Variants in MACROD2 observed in about 807,000 individuals in gnomAD.
MACROD2 encodes the protein mono-ADP ribosylhydrolase 2, also known as ADP-ribose glycohydrolase MACROD2.
A neutral mutation model predicts 70.4 loss-of-function variants in MACROD2; 36 were observed. The ratio of observed to expected loss-of-function variants is 0.51; its 90% confidence interval spans 0.39 to 0.68. The LOEUF is 0.68. MACROD2 is among the 30% of genes least tolerant of loss of function. The probability of loss-of-function intolerance (pLI) is 0.00; values close to 1 mark genes in which losing one functional copy is unlikely to be tolerated. For missense variants in MACROD2, 496 were observed against 538.4 expected (o/e 0.92, Z 0.78); for synonymous variants, 172 against 178.8 (o/e 0.96, Z 0.30).
chr20:15,060,005 C>T (rs2075519064), intron 5 of MACROD2, among the ~76,000 whole-genome samples: 1 of 152,148 alleles, frequency 6.6e-6, no homozygotes, highest in African/African-American at 2.4e-5. Flanking sequence ...TGACCGCTGC[C>T]ATCTCCCCCC....
At chr20:15,963,330 T>A (rs893731419) in intron 12 of MACROD2, among the ~76,000 whole-genome samples, 1 of 152,192 alleles carries the variant, frequency 6.6e-6, no homozygotes, top group African/African-American at 2.4e-5. Context: ...CCTGCTGTCA[T>A]CACTCTGAAT....
chr20:14,319,459 CT>C, intron 3 of MACROD2, among the ~76,000 whole-genome samples: 1 of 152,238 alleles, frequency 6.6e-6, no homozygotes, highest in East Asian at 1.9e-4. Context: ...TGTTCACTTC[CT>C]TTTTTTCTAT....
chr20:15,127,229 G>A (rs1403220584), intron 5 of MACROD2, among the ~76,000 whole-genome samples: 4 of 152,054 alleles, frequency 2.6e-5, no homozygotes, highest in African/African-American at 9.7e-5. Context: ...TGCAGTAGAA[G>A]TGACTGGTGC....
intron 10 of MACROD2, among the ~76,000 whole-genome samples, chr20:15,915,686 A>G (rs1175308219): frequency 6.6e-6 from 1 of 152,150 alleles, no homozygotes. Context: ...GTGGGGGTGT[A>G]GGGAGGCAGG....
intron 4 of MACROD2, among the ~76,000 whole-genome samples, chr20:14,582,380 A>C (rs892143967): frequency 6.6e-6 from 1 of 152,060 alleles, no homozygotes; most frequent in East Asian, 1.9e-4. Flanking sequence ...TGTTATCCCC[A>C]TGCTTTCGTC....
chr20:15,231,127 G>C (rs1480214397), intron 6 of MACROD2, among the ~76,000 whole-genome samples: 1 of 151,966 alleles, frequency 6.6e-6, no homozygotes, highest in Non-Finnish European at 1.5e-5. Context: ...ATGCAACATT[G>C]GTGATTCTGC....
At chr20:15,534,932 T>A (rs1476977050) in intron 8 of MACROD2, among the ~76,000 whole-genome samples, 2 of 152,126 alleles carry the variant, frequency 1.3e-5, no homozygotes, top group Non-Finnish European at 2.9e-5. Context: ...GATTAGAAAA[T>A]TCTAAATTCT....
At chr20:14,840,476 A>G (rs1735634298) in intron 5 of MACROD2, among the ~76,000 whole-genome samples, 1 of 152,058 alleles carries the variant, frequency 6.6e-6, no homozygotes, top group South Asian at 2.1e-4. Flanking sequence ...GACTCAAGCA[A>G]TCCTCCCACC....
intron 2 of MACROD2, among the ~76,000 whole-genome samples, chr20:14,081,510 A>G (rs1045984781): frequency 2.6e-5 from 4 of 152,202 alleles, no homozygotes; most frequent in African/African-American, 7.2e-5. Flanking sequence ...TTGCAATTGT[A>G]TAAAACCAGT....
chr20:14,733,130 T>C (rs1469183824), intron 5 of MACROD2, among the ~76,000 whole-genome samples: 1 of 152,198 alleles, frequency 6.6e-6, no homozygotes, highest in Non-Finnish European at 1.5e-5. Flanking sequence ...ATAACAAGAC[T>C]GTTTAACACA....
intron 5 of MACROD2, among the ~76,000 whole-genome samples, chr20:14,986,812 G>A (rs1242783676): frequency 6.6e-6 from 1 of 152,156 alleles, no homozygotes; most frequent in Admixed American, 6.5e-5. Context: ...CACCTCCTCA[G>A]AATCTTAGGA....
intron 8 of MACROD2, among the ~76,000 whole-genome samples, chr20:15,748,193 G>A (rs1209683418): frequency 6.6e-6 from 1 of 152,032 alleles, no homozygotes; most frequent in African/African-American, 2.4e-5. Flanking sequence ...ATTCCTTGAG[G>A]TCTAAAATAT....
At chr20:15,126,677 A>C (rs1414358866) in intron 5 of MACROD2, among the ~76,000 whole-genome samples, 2 of 152,110 alleles carry the variant, frequency 1.3e-5, no homozygotes, top group Non-Finnish European at 2.9e-5. Context: ...GAAGATATGT[A>C]GTACCACATA....
intron 5 of MACROD2, among the ~76,000 whole-genome samples, chr20:15,217,603 T>C (rs1365415538): frequency 6.6e-6 from 1 of 152,122 alleles, no homozygotes; most frequent in African/African-American, 2.4e-5. Flanking sequence ...AATCTTCCCA[T>C]TTTTACTGCC....
chr20:15,461,007 T>TATATATATA (rs1491341955), intron 7 of MACROD2, among the ~76,000 whole-genome samples: 2 of 42,838 alleles, frequency 4.7e-5, no homozygotes, highest in Admixed American at 4.0e-4. Context: ...TATATATATA[T>TATATATATA]TTTTTTTTAA....
intron 5 of MACROD2, among the ~76,000 whole-genome samples, chr20:15,193,653 G>A (rs1332764263): frequency 6.6e-6 from 1 of 151,900 alleles, no homozygotes; most frequent in Non-Finnish European, 1.5e-5. Context: ...CTCAAGGAAA[G>A]AAAGAAAGAA....
chr20:15,209,880 A>G (rs1327701955), intron 5 of MACROD2, among the ~76,000 whole-genome samples: 2 of 152,344 alleles, frequency 1.3e-5, no homozygotes, highest in East Asian at 1.9e-4. Context: ...ACTTTTGCCT[A>G]TGAATGTTTG....
chr20:15,933,430 T>C, intron 11 of MACROD2, 92 bp downstream of exon 11: 2 of 1,205,272 alleles, frequency 1.7e-6, no homozygotes, highest in Non-Finnish European at 2.4e-6. Context: ...AAAATGCTTA[T>C]ACATTTCACC....
At chr20:15,697,038 T>C (rs57476876) in intron 8 of MACROD2, among the ~76,000 whole-genome samples, 2,073 of 152,258 alleles carry the variant, frequency 0.014, 53 homozygotes, top group African/African-American at 0.047. Flanking sequence ...ATTGTCTTTT[T>C]TGTTCCAATT....
Sources: allele counts gnomAD v4.1 joint callset (sites outside exome capture counted in the v4.1 genomes callset), GRCh38; gene constraint gnomAD v4.1.1; transcripts MANE v1.5; gene names NCBI Gene and HGNC (gene_info 2026-07-23, HGNC 2026-07-21).